ASB18: variants seen among roughly 807,000 people sequenced by gnomAD.
The protein encoded by ASB18 is ankyrin repeat and SOCS box containing 18.
A neutral mutation model predicts 33.4 loss-of-function variants in ASB18; 33 were observed. The observed-to-expected ratio is 0.99, with a 90% confidence interval of 0.75 to 1.32. The LOEUF (loss-of-function observed/expected upper bound fraction) is 1.32. Ranked by LOEUF, ASB18 falls within the 40% of genes most tolerant of loss-of-function variation. ASB18 has a pLI of 0.00. For synonymous variants in ASB18, 295 were observed against 307.6 expected (o/e 0.96, Z 0.43); for missense variants, 694 against 655.5 (o/e 1.06, Z -0.64).
In ASB18 at chr2:236,263,312, T is replaced by G. The variant is rs1048184677; in HGVS notation, c.205+829A>C. On this transcript the variant is annotated intron_variant, in intron 1 of 5. Transcript: ENST00000409749. The surrounding 1 kb of genome is among the most constrained non-coding windows in gnomAD (Gnocchi z 4.0). ...GACCCAAATAGACAGGTCTTGCACC[T>G]GATGAGGCCTACAAAGAAAAAATCC... is the stretch of plus-strand genomic sequence containing the variant. 2.0e-5 allele frequency among the ~76,000 whole-genome samples: 3 copies of G among 152,324 alleles called. No homozygotes were observed. Among genetic ancestry groups the G allele is most frequent in the East Asian group, 1.9e-4 (1 of 5,182 alleles).
intron 1 of ASB18, among the ~76,000 whole-genome samples, chr2:236,261,970 C>T (rs2106288368): frequency 6.6e-6 from 1 of 152,276 alleles, no homozygotes; most frequent in East Asian, 1.9e-4. Flanking sequence ...CACTGGGTCC[C>T]TCCCACAACA....
intron 4 of ASB18, among the ~76,000 whole-genome samples, chr2:236,199,828 T>G (rs1393610979): frequency 6.6e-6 from 1 of 152,130 alleles, no homozygotes; most frequent in Non-Finnish European, 1.5e-5. Context: ...AAGTAGACCA[T>G]TATTGGAATC....
Position 236,214,361 on chromosome 2 carries a change from C to G in ASB18, c.1101+1G>C, listed in dbSNP as rs1409937883. ...GCCAGCCGGGCTGGATCCTGCCTTACCTTGGGGAAGGCGTCGGGCCACACG... is the reference window on the plus strand; with the variant it reads ...GCCAGCCGGGCTGGATCCTGCCTTAGCTTGGGGAAGGCGTCGGGCCACACG... On this transcript the variant is annotated splice_donor_variant, in intron 4 of 5. Transcript: ENST00000409749. LOFTEE classifies it high-confidence loss of function. The surrounding 1 kb of genome is among the most constrained non-coding windows in gnomAD (Gnocchi z 6.5). 6.4e-7 allele frequency: 1 copy of G among 1,573,368 alleles called. No individual in the cohort carries two copies. Among genetic ancestry groups the G allele is most frequent in the Non-Finnish European group, 8.6e-7 (1 of 1,163,508 alleles).
chr2:236,252,073 C>G lies in ASB18; in HGVS notation c.206-10671G>C, dbSNP rs1458352109. Among the ~76,000 whole-genome samples, 3 of 152,112 alleles carry G rather than the reference C, an allele frequency of 2.0e-5. No homozygotes were observed. The highest frequency in any genetic ancestry group is 2.0e-4 in the Admixed American group (3 of 15,256). The stretch of plus-strand genomic sequence containing the variant: ...ATCACCTGAGGTCAGGAGTTCCAGA[C>G]CAGGCTGACCAACAGGGTAAAACCC... On this transcript the variant is annotated intron_variant, in intron 1 of 5. Coordinates refer to ENST00000409749, the MANE Select transcript of ASB18 (RefSeq NM_212556.4). This position sits in a 1 kb window ranked among gnomAD's most constrained non-coding sequence, Gnocchi z 7.9.
intron 3 of ASB18, among the ~76,000 whole-genome samples, chr2:236,224,108 A>C (rs1482274820): frequency 6.7e-6 from 1 of 150,226 alleles, no homozygotes; most frequent in Non-Finnish European, 1.5e-5. Flanking sequence ...TTCCAAAGAG[A>C]TATCATTTTA....
chr2:236,211,890 G>A lies in ASB18; in HGVS notation c.1101+2472C>T, dbSNP rs926696907. ...GTGTAGGGGTACCCACTGGAGGTGTGGGGGAATCCCAGTGCAAAAAGGTGG... is the reference window on the plus strand; with the variant it reads ...GTGTAGGGGTACCCACTGGAGGTGTAGGGGAATCCCAGTGCAAAAAGGTGG... On this transcript the variant is annotated intron_variant, in intron 4 of 5. Coordinates refer to ENST00000409749, the MANE Select transcript of ASB18 (RefSeq NM_212556.4). This position sits in a 1 kb window ranked among gnomAD's most constrained non-coding sequence, Gnocchi z 5.0. Among the ~76,000 whole-genome samples the A allele has an allele frequency of 6.6e-6, 1 of 152,078 alleles. No homozygotes were observed. Among genetic ancestry groups the A allele is most frequent in the African/African-American group, 2.4e-5 (1 of 41,394 alleles).
In ASB18 at chr2:236,257,334, C is replaced by G. The variant is rs562788341; in HGVS notation, c.205+6807G>C. 1.3e-5 allele frequency among the ~76,000 whole-genome samples: 2 copies of G among 152,354 alleles called. No homozygotes were observed. Among genetic ancestry groups the G allele is most frequent in the East Asian group, 3.9e-4 (2 of 5,180 alleles). ...CGAGCAGGGTCTCCCTGCCCCCACG[C>G]TCTCTGGTGGAGTGAGCAGTCAAGA... On this transcript the variant is annotated intron_variant, in intron 1 of 5. Coordinates refer to ENST00000409749, the MANE Select transcript of ASB18 (RefSeq NM_212556.4). The surrounding 1 kb of genome is among the most constrained non-coding windows in gnomAD (Gnocchi z 5.5).
Position 236,202,757 on chromosome 2 carries a change from G to A in ASB18, c.1102-6372C>T, listed in dbSNP as rs192459402. Among the ~76,000 whole-genome samples, 1,248 of 129,500 alleles carry A rather than the reference G, an allele frequency of 9.6e-3. 35 individuals are homozygous for A. The highest frequency in any genetic ancestry group is 0.036 in the African/African-American group (1,173 of 32,554). The allele number at this position is 129,500 out of a possible 152,430, so 85.0% of individuals were successfully genotyped here. A position where few individuals can be genotyped will look rare whatever the true frequency, so the allele number is the denominator to read the frequency against. On this transcript the variant is annotated intron_variant, in intron 4 of 5. Transcript: ENST00000409749. ...TCACGCCACTGCACTCCAGCCTGGC[G>A]ACAGAGTGAGACTCCGTCTCAAAAA...
At chr2:236,206,117 T>C (rs187716639) in intron 4 of ASB18, among the ~76,000 whole-genome samples, 31 of 152,294 alleles carry the variant, frequency 2.0e-4, no homozygotes, top group African/African-American at 7.0e-4. Flanking sequence ...AGGCTCCTTC[T>C]GCAGTAACAT....
At chr2:236,197,452 G>C (rs2060379542) in intron 4 of ASB18, among the ~76,000 whole-genome samples, 1 of 152,134 alleles carries the variant, frequency 6.6e-6, no homozygotes. Flanking sequence ...TCTCACTGTG[G>C]GGCTTTTGCT....
rs566352769 is a variant in ASB18, at chr2:236,196,567, C to A, written c.1102-182G>T. Among the ~76,000 whole-genome samples, 3 of 152,310 alleles carry A rather than the reference C, an allele frequency of 2.0e-5. No individual in the cohort carries two copies. The South Asian group carries it at 6.2e-4, about 32-fold the overall frequency. On this transcript the variant is annotated intron_variant, in intron 4 of 5. Transcript: ENST00000409749. The surrounding 1 kb of genome is among the most constrained non-coding windows in gnomAD (Gnocchi z 5.6). ...GCTGCAGGGATCACATGAATTAGTGCACACAAAGACACAAGGCAACGGCTC... is the reference window on the plus strand; with the variant it reads ...GCTGCAGGGATCACATGAATTAGTGAACACAAAGACACAAGGCAACGGCTC...
chr2:236,247,031 A>G (rs1377450), intron 1 of ASB18, among the ~76,000 whole-genome samples: 39,774 of 152,014 alleles, frequency 0.26, 7,840 homozygotes, highest in African/African-American at 0.56. Flanking sequence ...TGCACCAGAC[A>G]CTAAATTTAG....
chr2:236,242,550 G>A (rs570071620), intron 1 of ASB18, among the ~76,000 whole-genome samples: 1 of 152,258 alleles, frequency 6.6e-6, no homozygotes, highest in East Asian at 1.9e-4. Flanking sequence ...CACCTCCTGG[G>A]TTCAAGTGAT....
Position 236,238,701 on chromosome 2 carries a change from C to T in ASB18, c.329-745G>A, listed in dbSNP as rs147800942. Among the ~76,000 whole-genome samples the T allele has an allele frequency of 2.3e-3, 343 of 152,088 alleles. 5 individuals carry two copies. The Middle Eastern group carries it at 0.031, about 14-fold the overall frequency. On this transcript the variant is annotated intron_variant, in intron 2 of 5. Coordinates refer to ENST00000409749, the MANE Select transcript of ASB18 (RefSeq NM_212556.4). The surrounding 1 kb of genome is among the most constrained non-coding windows in gnomAD (Gnocchi z 5.2). ...TTTTACTTCTCTGAAAACTTTGGCA[C>T]TTTCAAAAAGCCCGTGGAAGGTTGT...
At chr2:236,197,308 ATTTG>A (rs1160484381) in intron 4 of ASB18, among the ~76,000 whole-genome samples, 4 of 152,330 alleles carry the variant, frequency 2.6e-5, no homozygotes, top group African/African-American at 7.2e-5. Context: ...TAACAAAATA[ATTTG>A]TTTGTTTGAA....
In ASB18 at chr2:236,256,811, C is replaced by G. The variant is rs1174743097; in HGVS notation, c.205+7330G>C. Reference sequence around the variant, plus strand: ...TAGGATTTTTTTTCTTGTCCATATGCCTTTGAAGCCGGACCATTAGCTCTA... The same window carrying G: ...TAGGATTTTTTTTCTTGTCCATATGGCTTTGAAGCCGGACCATTAGCTCTA... On this transcript the variant is annotated intron_variant, in intron 1 of 5. Coordinates refer to ENST00000409749, the MANE Select transcript of ASB18 (RefSeq NM_212556.4). The surrounding 1 kb of genome is among the most constrained non-coding windows in gnomAD (Gnocchi z 4.7). 6.6e-6 allele frequency among the ~76,000 whole-genome samples: 1 copy of G among 152,008 alleles called. No individual in the cohort carries two copies. Among genetic ancestry groups the G allele is most frequent in the African/African-American group, 2.4e-5 (1 of 41,376 alleles).
Position 236,196,234 on chromosome 2 carries a change from T to G in ASB18, c.1215+38A>C. 8.3e-7 allele frequency: 1 copy of G among 1,199,186 alleles called. No individual in the cohort carries two copies. The highest frequency in any genetic ancestry group is 1.2e-6 in the Non-Finnish European group (1 of 825,408). 74.3% of individuals were successfully genotyped at this position (1,199,186 alleles called of 1,614,324 possible). The stretch of plus-strand genomic sequence containing the variant: ...GCAAAGAAGCAAAAACAGACAAAAG[T>G]TTTGTACTAAAGATGGGCAGAAAGG... On this transcript the variant is annotated intron_variant, in intron 5 of 5. Transcript: ENST00000409749. The surrounding 1 kb of genome is among the most constrained non-coding windows in gnomAD (Gnocchi z 5.6).
rs753375243 is a variant in ASB18, at chr2:236,223,015, G to A, written c.597-8149C>T. Among the ~76,000 whole-genome samples, 11 of 151,984 alleles carry A rather than the reference G, an allele frequency of 7.2e-5. No homozygotes were observed. Among genetic ancestry groups the A allele is most frequent in the Non-Finnish European group, 1.2e-4 (8 of 67,990 alleles). ...AGCCTGGGTGACAGAGCGAGACTCC[G>A]TCTCCAAAAAAAGGTGTGTGACACC... is the stretch of plus-strand genomic sequence containing the variant. On this transcript the variant is annotated intron_variant, in intron 3 of 5. Transcript: ENST00000409749. The surrounding 1 kb of genome is among the most constrained non-coding windows in gnomAD (Gnocchi z 4.6).
In ASB18 at chr2:236,214,418, CCG is replaced by C; in HGVS notation, c.1043_1044del (p.Thr348SerfsTer53). The C allele has an allele frequency of 6.4e-7, 1 of 1,566,368 alleles. No homozygotes were observed. Among genetic ancestry groups the C allele is most frequent in the South Asian group, 1.2e-5 (1 of 86,084 alleles). ...SCALQASPQR[T>X]VQALLNHGSP... ...GAGCCGTGGTTGAGCAGCGCCTGCA[CCG>C]TGCGCTGCGGTGAGGCCTGGAGAGC... On this transcript the variant is annotated frameshift_variant, in exon 4 of 6. Transcript: ENST00000409749. LOFTEE classifies it high-confidence loss of function. This position sits in a 1 kb window ranked among gnomAD's most constrained non-coding sequence, Gnocchi z 6.5.
Sources: gnomAD v4.1 joint callset for allele counts (sites outside exome capture counted in the v4.1 genomes callset) on GRCh38, gnomAD v4.1.1 for gene constraint, Gnocchi (gnomAD v3.1) non-coding constraint, MANE v1.5 for transcripts, NCBI Gene and HGNC (gene_info 2026-07-23, HGNC 2026-07-21) for gene names.